IL23R: variants seen among roughly 807,000 people sequenced by gnomAD.
IL23R encodes the protein interleukin 23 receptor, also known as interleukin-23 receptor.
IL23R carries 34 observed loss-of-function variants against 56.9 expected under a neutral mutation model. That is an observed-to-expected ratio of 0.60 (90% CI 0.45 to 0.80). The LOEUF (loss-of-function observed/expected upper bound fraction) is 0.80. Ranked by LOEUF, IL23R falls within the 30% of genes least tolerant of loss-of-function variation. IL23R has a pLI of 0.00. For missense variants in IL23R, 635 were observed against 730.0 expected, an observed-to-expected ratio of 0.87 and a Z score of 1.50; for synonymous variants, 230 against 249.2, an observed-to-expected ratio of 0.92 and a Z score of 0.73.
chr1:67,209,250 T>C (rs572945919), intron 6 of IL23R, among the ~76,000 whole-genome samples: 2 of 152,298 alleles, frequency 1.3e-5, no homozygotes, highest in South Asian at 2.1e-4. Context: ...TTTGGGTTAA[T>C]GCTGAAATGA....
intron 4 of IL23R, among the ~76,000 whole-genome samples, chr1:67,188,700 C>G (rs72927049): frequency 0.02 from 2,977 of 152,222 alleles, 93 homozygotes; most frequent in African/African-American, 0.069. Flanking sequence ...AGTCCCAGAT[C>G]AAGTGTCAAC....
chr1:67,158,665 G>C (rs1296889081), intron 1 of IL23R, among the ~76,000 whole-genome samples: 4 of 152,084 alleles, frequency 2.6e-5, no homozygotes, highest in Non-Finnish European at 5.9e-5. Context: ...GTTTTAGCTA[G>C]TCCTCAGTTT....
At chr1:67,239,507 C>T (rs1651717372) in intron 8 of IL23R, among the ~76,000 whole-genome samples, 1 of 152,208 alleles carries the variant, frequency 6.6e-6, no homozygotes, top group Non-Finnish European at 1.5e-5. Context: ...TCAAGTGATC[C>T]TCCCACCTCG....
intron 10 of IL23R, among the ~76,000 whole-genome samples, chr1:67,257,369 A>G (rs1456864406): frequency 1.3e-5 from 2 of 152,096 alleles, no homozygotes; most frequent in Non-Finnish European, 2.9e-5. Context: ...ATGGCAGAGG[A>G]AGAGATCATC....
At chr1:67,219,918 T>C (rs572374116) in intron 7 of IL23R, among the ~76,000 whole-genome samples, 188 bp downstream of exon 7, 2 of 151,940 alleles carry the variant, frequency 1.3e-5, no homozygotes, top group African/African-American at 4.8e-5. Context: ...AAATAATAAT[T>C]ATTATTAGCC....
intron 9 of IL23R, among the ~76,000 whole-genome samples, chr1:67,254,779 A>G (rs1049589027): frequency 6.6e-6 from 1 of 152,318 alleles, no homozygotes; most frequent in African/African-American, 2.4e-5. Flanking sequence ...AGTTCTTGGT[A>G]CAACCTTTCT....
intron 6 of IL23R, among the ~76,000 whole-genome samples, chr1:67,209,834 A>G (rs1025171167): frequency 6.6e-6 from 1 of 152,228 alleles, no homozygotes; most frequent in African/African-American, 2.4e-5. Flanking sequence ...CTGTTTCCTC[A>G]AACGATCCAC....
intron 9 of IL23R, among the ~76,000 whole-genome samples, chr1:67,244,608 G>A (rs1023725611): frequency 2.6e-5 from 4 of 152,116 alleles, no homozygotes; most frequent in African/African-American, 9.7e-5. Flanking sequence ...GTTTGTCAAA[G>A]ATCAGATGGT....
At chr1:67,185,974 G>GA (rs146153454) in intron 4 of IL23R, among the ~76,000 whole-genome samples, 2,729 of 152,276 alleles carry the variant, frequency 0.018, 35 homozygotes, top group Non-Finnish European at 0.027. Flanking sequence ...ATGGCGTGGG[G>GA]AGCTCACATT....
chr1:67,244,868 T>C (rs969082602), intron 9 of IL23R, among the ~76,000 whole-genome samples: 1 of 152,228 alleles, frequency 6.6e-6, no homozygotes, highest in African/African-American at 2.4e-5. Context: ...GGTAGCTTGA[T>C]GGGGATAGCA....
At chr1:67,230,587 T>C (rs930518270) in intron 7 of IL23R, among the ~76,000 whole-genome samples, 13 of 152,202 alleles carry the variant, frequency 8.5e-5, no homozygotes, top group Admixed American at 2.6e-4. Flanking sequence ...ATATGTAGAT[T>C]TCTTACCTTC....
chr1:67,237,848 G>T (rs552781489), intron 8 of IL23R, among the ~76,000 whole-genome samples: 4 of 152,306 alleles, frequency 2.6e-5, no homozygotes, highest in South Asian at 4.1e-4. Flanking sequence ...TTTGCAGGTT[G>T]TATTGCTATT....
At chr1:67,201,491 A>G (rs1423970107) in intron 5 of IL23R, among the ~76,000 whole-genome samples, 3 of 151,408 alleles carry the variant, frequency 2.0e-5, no homozygotes, top group African/African-American at 7.3e-5. Context: ...TCTAAAGGCT[A>G]GAGTGAATAA....
intron 4 of IL23R, among the ~76,000 whole-genome samples, chr1:67,189,670 C>G (rs1470383341): frequency 6.6e-6 from 1 of 152,106 alleles, no homozygotes; most frequent in Non-Finnish European, 1.5e-5. Flanking sequence ...GAGGGCTGGG[C>G]GCAGTGGCTC....
chr1:67,249,679 C>T (rs952388287), intron 9 of IL23R, among the ~76,000 whole-genome samples: 14 of 151,982 alleles, frequency 9.2e-5, no homozygotes, highest in African/African-American at 3.1e-4. Flanking sequence ...ATCCTATTTA[C>T]CTCTCCTTTG....
intron 9 of IL23R, among the ~76,000 whole-genome samples, chr1:67,254,578 A>T (rs1325419976): frequency 6.6e-6 from 1 of 152,180 alleles, no homozygotes; most frequent in East Asian, 1.9e-4. Context: ...TTGTATAAAG[A>T]TGAGTAAAGA....
At chr1:67,182,744 G>T in intron 3 of IL23R, 92 bp from the exon 4 acceptor site, 2 of 1,347,932 alleles carry the variant, frequency 1.5e-6, no homozygotes, top group Non-Finnish European at 2.1e-6. Flanking sequence ...GGGAGCTGTA[G>T]ACTGGAGCTG....
chr1:67,158,108 T>A (rs1278207248), intron 1 of IL23R, among the ~76,000 whole-genome samples: 5 of 151,574 alleles, frequency 3.3e-5, no homozygotes, highest in Non-Finnish European at 7.4e-5. Context: ...CCCAGCTACC[T>A]GGGAGGCTGA....
At chr1:67,178,828 G>A (rs185683448) in intron 3 of IL23R, among the ~76,000 whole-genome samples, 150 of 152,314 alleles carry the variant, frequency 9.8e-4, no homozygotes, top group African/African-American at 3.4e-3. Context: ...TTAGCATGAA[G>A]CTTGTTGAAT....
Sources: allele counts gnomAD v4.1 joint callset (sites outside exome capture counted in the v4.1 genomes callset), GRCh38; gene constraint gnomAD v4.1.1; transcripts MANE v1.5; gene names NCBI Gene and HGNC (gene_info 2026-07-23, HGNC 2026-07-21).